The following EIF4ENIF1 variants were observed in gnomAD, a reference collection of about 807,000 sequenced individuals.
EIF4ENIF1 encodes the protein eukaryotic translation initiation factor 4E nuclear import factor 1.
EIF4ENIF1 carries 23 observed loss-of-function variants against 110.5 expected under a neutral mutation model. That is an observed-to-expected ratio of 0.21 (90% CI 0.15 to 0.29). The LOEUF is 0.29. Among genes scored for constraint, EIF4ENIF1 ranks in the 10% least tolerant of loss-of-function variants. The probability of loss-of-function intolerance (pLI) is 1.00; values close to 1 mark genes in which losing one functional copy is unlikely to be tolerated. For synonymous variants in EIF4ENIF1, 440 were observed against 437.0 expected (o/e 1.01, Z -0.09); for missense variants, 1,031 against 1,221.1 (o/e 0.84, Z 2.32).
intron 14 of EIF4ENIF1, among the ~76,000 whole-genome samples, chr22:31,445,997 A>G (rs946652701): frequency 7.0e-6 from 1 of 142,028 alleles, no homozygotes; most frequent in Non-Finnish European, 1.5e-5. Context: ...TGAAGATCAT[A>G]TAAAATTCTG....
At chr22:31,439,095 T>C (rs1264535827), downstream of EIF4ENIF1, among the ~76,000 whole-genome samples, 1 of 152,232 alleles carries the variant, frequency 6.6e-6, no homozygotes, top group Non-Finnish European at 1.5e-5. Flanking sequence ...TGAGCATAGC[T>C]TGGCTGGTTA....
downstream of EIF4ENIF1, among the ~76,000 whole-genome samples, chr22:31,438,532 T>C (rs558858303): frequency 2.0e-5 from 3 of 152,240 alleles, no homozygotes; most frequent in South Asian, 6.2e-4. Context: ...CCATATGTAA[T>C]AGATGATTCC....
intron 6 of EIF4ENIF1, 99 bp downstream of exon 6, chr22:31,462,833 T>A: frequency 7.9e-7 from 1 of 1,270,964 alleles, no homozygotes. Flanking sequence ...TCCGCCCACC[T>A]CGGCCTCCCA....
intron 6 of EIF4ENIF1, among the ~76,000 whole-genome samples, chr22:31,461,324 T>G (rs149307602): frequency 2.9e-4 from 44 of 152,312 alleles, no homozygotes; most frequent in African/African-American, 1.0e-3. Context: ...AAAAAATGAT[T>G]GGCTGCAGAC....
chr22:31,487,969 A>C (rs1473581751), intron 2 of EIF4ENIF1, among the ~76,000 whole-genome samples: 1 of 152,122 alleles, frequency 6.6e-6, no homozygotes, highest in African/African-American at 2.4e-5. Flanking sequence ...TTACAATTTG[A>C]GTCCTGTCAA....
upstream of EIF4ENIF1, among the ~76,000 whole-genome samples, chr22:31,491,091 C>T (rs1422898420): frequency 1.3e-5 from 2 of 152,302 alleles, no homozygotes; most frequent in African/African-American, 2.4e-5. Flanking sequence ...ATTCTCATCT[C>T]TGCCACCTCC....
At position 31,455,278 on chromosome 22, in the gene EIF4ENIF1, C is replaced by T. The variant is rs772147585; in HGVS notation, c.1137G>A (p.Ser379=). The change falls in exon 9 of 19, where the codon TCG becomes TCA. Residue 379 remains serine, a synonymous_variant. Transcript: ENST00000330125. ...EQAILSPGQN[S]GNYFAPIPLE... is the part of the protein sequence containing the mutation. ...ATGGTATAGGAGCAAAGTAATTCCC[C>T]GAGTTCTGTCCAGGAGAGAGGATGG... is the stretch of plus-strand genomic sequence containing the variant. 1.4e-4 allele frequency: 233 copies of T among 1,611,022 alleles called. No homozygotes were observed. The highest frequency in any genetic ancestry group is 4.9e-4 in the East Asian group (22 of 44,832).
chr22:31,486,748 G>T (rs1481256153), intron 2 of EIF4ENIF1, among the ~76,000 whole-genome samples: 1 of 151,940 alleles, frequency 6.6e-6, no homozygotes, highest in African/African-American at 2.4e-5. Flanking sequence ...TTGCACTCTG[G>T]TGATAGAGCG....
At chr22:31,479,031 AGACAGAT>A (rs138643755) in intron 2 of EIF4ENIF1, among the ~76,000 whole-genome samples, 32,192 of 150,080 alleles carry the variant, frequency 0.21, 4,423 homozygotes, top group East Asian at 0.43. Context: ...TGCCACACAT[AGACAGAT>A]GACTCTTGTC....
At chr22:31,480,691 G>A (rs577016260) in intron 2 of EIF4ENIF1, among the ~76,000 whole-genome samples, 7 of 152,172 alleles carry the variant, frequency 4.6e-5, no homozygotes, top group African/African-American at 1.7e-4. Context: ...GGAGGCAGAG[G>A]TTGTGGTGAG....
intron 2 of EIF4ENIF1, among the ~76,000 whole-genome samples, chr22:31,488,151 A>AT (rs1216668690): frequency 6.6e-6 from 1 of 152,176 alleles, no homozygotes; most frequent in Non-Finnish European, 1.5e-5. Context: ...TCCATATCCA[A>AT]TTTGTAATAG....
At chr22:31,438,359 T>A (rs1040492884), downstream of EIF4ENIF1, among the ~76,000 whole-genome samples, 1 of 152,164 alleles carries the variant, frequency 6.6e-6, no homozygotes, top group Non-Finnish European at 1.5e-5. Context: ...TTAAGGTGAA[T>A]AATAAAACAA....
chr22:31,480,628 G>T (rs933770071), intron 2 of EIF4ENIF1, among the ~76,000 whole-genome samples: 1 of 151,816 alleles, frequency 6.6e-6, no homozygotes, highest in African/African-American at 2.4e-5. Flanking sequence ...GGTGGCGTGC[G>T]CCTGTAGTCC....
intron 2 of EIF4ENIF1, among the ~76,000 whole-genome samples, chr22:31,478,796 A>G (rs2051693393): frequency 6.6e-6 from 1 of 151,512 alleles, no homozygotes; most frequent in African/African-American, 2.4e-5. Context: ...TCAAAAATAC[A>G]AAAAAATTAG....
At chr22:31,465,870 C>T (rs920493382) in intron 4 of EIF4ENIF1, among the ~76,000 whole-genome samples, 4 of 152,154 alleles carry the variant, frequency 2.6e-5, no homozygotes, top group Non-Finnish European at 4.4e-5. Context: ...GTGGATAAAT[C>T]GTAACTATTC....
chr22:31,447,068 TG>T, intron 14 of EIF4ENIF1: 1 of 441,910 alleles, frequency 2.3e-6, no homozygotes, highest in Non-Finnish European at 4.5e-6. Context: ...ATGGTTTAAC[TG>T]GTAGAAACAT....
chr22:31,443,754 CCTT>C (rs2050376866), intron 15 of EIF4ENIF1, among the ~76,000 whole-genome samples: 1 of 151,070 alleles, frequency 6.6e-6, no homozygotes, highest in African/African-American at 2.4e-5. Context: ...TTTTTTTTTT[CCTT>C]CTTCTCTATC....
At chr22:31,472,269 GAT>G (rs1491432954) in intron 2 of EIF4ENIF1, among the ~76,000 whole-genome samples, 3 of 122,108 alleles carry the variant, frequency 2.5e-5, no homozygotes, top group Non-Finnish European at 5.1e-5. Flanking sequence ...CTTACAAGGG[GAT>G]TTTTTTTTTT....
downstream of EIF4ENIF1, chr22:31,437,606 C>A (rs1482023036): frequency 6.6e-6 from 1 of 152,160 alleles, no homozygotes; most frequent in Non-Finnish European, 1.5e-5. Context: ...TTGCTCTTTG[C>A]ATGGTACCTG....
Sources: gnomAD v4.1 joint callset for allele counts (sites outside exome capture counted in the v4.1 genomes callset) on GRCh38, gnomAD v4.1.1 for gene constraint, MANE v1.5 for transcripts, NCBI Gene and HGNC (gene_info 2026-07-23, HGNC 2026-07-21) for gene names.